Variants in NME1 observed in about 807,000 individuals in gnomAD.
NME1 encodes the protein nucleoside diphosphate kinase A.
NME1 carries 9 observed loss-of-function variants against 17.2 expected under a neutral mutation model. The ratio of observed to expected loss-of-function variants is 0.52; its 90% CI spans 0.32 to 0.92. The LOEUF (loss-of-function observed/expected upper bound fraction) is 0.92. Among genes scored for constraint, NME1 ranks in the 40% least tolerant of loss-of-function variants. The pLI, the probability that NME1 is intolerant of heterozygous loss-of-function variation, is 0.04. For synonymous variants in NME1, 72 were observed against 70.8 expected (o/e 1.02, Z -0.09); for missense variants, 169 against 201.7 (o/e 0.84, Z 0.98).
chr17:51,157,095 T>C (rs2049798900), intron 2 of NME1, among the ~76,000 whole-genome samples: 1 of 152,050 alleles, frequency 6.6e-6, no homozygotes, highest in Non-Finnish European at 1.5e-5. Context: ...TAGTGCATTT[T>C]AAAATTTAGT....
Position 51,161,599 on chromosome 17 carries a change from TTTTC to T in NME1, c.342-125_342-122del. Reference sequence around the variant, plus strand: ...CTTAAGTGAATGGCCATTGTAGGCTTTTTCTTTTAACATGGTCTAATGTCCATGG... The same window carrying T: ...CTTAAGTGAATGGCCATTGTAGGCTTTTTTAACATGGTCTAATGTCCATGG... On this transcript the variant is annotated intron_variant, in intron 4 of 4. Transcript: ENST00000393196. The T allele has an allele frequency of 3.6e-6, 3 of 838,836 alleles. No homozygotes were observed. In the Admixed American group the frequency reaches 5.5e-5, roughly 15 times the overall value. 52.0% of individuals were successfully genotyped at this position (838,836 alleles called of 1,614,324 possible). A position where few individuals can be genotyped will look rare whatever the true frequency, so the allele number is the denominator to read the frequency against.
Position 51,161,676 on chromosome 17 carries a change from G to A in NME1, c.342-52G>A, listed in dbSNP as rs199612803. 246 of 1,307,234 alleles carry A rather than the reference G, an allele frequency of 1.9e-4. No homozygotes were observed. In the African/African-American group the frequency reaches 3.1e-3, roughly 16 times the overall value. 81.0% of individuals were successfully genotyped at this position (1,307,234 alleles called of 1,614,324 possible). On this transcript the variant is annotated intron_variant, in intron 4 of 4. Coordinates refer to ENST00000393196, the MANE Select transcript of NME1 (RefSeq NM_000269.3). ...TGGCTGTAGATTTCTGGCAATGGGC[G>A]CATTTTAATCCTTCTGGTCTTGGTC...
chr17:51,159,112 G>T (rs914414275), intron 2 of NME1, among the ~76,000 whole-genome samples: 3 of 152,138 alleles, frequency 2.0e-5, no homozygotes, highest in African/African-American at 4.8e-5. Flanking sequence ...TTTGGGGTTT[G>T]CTCTGGGAAT....
chr17:51,153,957 T>C, intron 1 of NME1: 1 of 209,550 alleles, frequency 4.8e-6, no homozygotes, highest in Non-Finnish European at 1.0e-5. Context: ...GCTCTGTAAG[T>C]GCTTGCTGAA....
Position 51,162,075 on chromosome 17 carries a change from C to CT in NME1, c.*238dup, listed in dbSNP as rs201883691. 1.8e-3 allele frequency: 865 copies of CT among 491,814 alleles called. 3 individuals are homozygous for CT. The highest frequency in any genetic ancestry group is 0.015 in the African/African-American group (752 of 51,560). 30.5% of individuals were successfully genotyped at this position (491,814 alleles called of 1,614,324 possible). On this transcript the variant is annotated 3_prime_UTR_variant, in exon 5 of 5. Coordinates refer to ENST00000393196, the MANE Select transcript of NME1 (RefSeq NM_000269.3). Reference sequence around the variant, plus strand: ...TTGGTTACTTCATATTGTTGCATTGCTTTTTTTTCCTTCTTTTCATGTACA... The same window carrying CT: ...TTGGTTACTTCATATTGTTGCATTGCTTTTTTTTTCCTTCTTTTCATGTACA...
Position 51,162,027 on chromosome 17 carries a change from C to T in NME1, c.*182C>T. The T allele has an allele frequency of 2.4e-5, 14 of 586,708 alleles. 1 individual carries two copies. In the South Asian group the frequency reaches 2.8e-4, roughly 12 times the overall value. 36.3% of individuals were successfully genotyped at this position (586,708 alleles called of 1,614,324 possible). Reference sequence around the variant, plus strand: ...CCCGACCATCTGATTAAAATGCTTCCTCCCAGCATAGGATTCATTGAGTTG... The same window carrying T: ...CCCGACCATCTGATTAAAATGCTTCTTCCCAGCATAGGATTCATTGAGTTG... On this transcript the variant is annotated 3_prime_UTR_variant, in exon 5 of 5. Coordinates refer to ENST00000393196, the MANE Select transcript of NME1 (RefSeq NM_000269.3).
chr17:51,157,185 G>T lies in NME1; in HGVS notation c.126+1405G>T, dbSNP rs978212873. Among the ~76,000 whole-genome samples, 11 of 151,750 alleles carry T rather than the reference G, an allele frequency of 7.2e-5. No individual in the cohort carries two copies. In the East Asian group the frequency reaches 2.1e-3, roughly 29 times the overall value. On this transcript the variant is annotated intron_variant, in intron 2 of 4. Transcript: ENST00000393196. Reference sequence around the variant, plus strand: ...GCACAGTGACTCGCCTGTCATCCCAGCACTTTGGGAGGCTCCGTCTCCAAA... The same window carrying T: ...GCACAGTGACTCGCCTGTCATCCCATCACTTTGGGAGGCTCCGTCTCCAAA...
intron 1 of NME1, among the ~76,000 whole-genome samples, chr17:51,155,212 A>G (rs1484291957): frequency 1.4e-5 from 2 of 147,628 alleles, no homozygotes; most frequent in Admixed American, 1.4e-4. Flanking sequence ...ACTGCACTCC[A>G]TCCTGGGCGA....
At chr17:51,154,825 C>T (rs1170982356) in intron 1 of NME1, among the ~76,000 whole-genome samples, 1 of 152,184 alleles carries the variant, frequency 6.6e-6, no homozygotes, top group Non-Finnish European at 1.5e-5. Context: ...TAAAACTTTT[C>T]ATCAGTGTAG....
In NME1 at chr17:51,161,925, GTTATTTA is replaced by G; in HGVS notation, c.*81_*87del. ...AGAGGACCAGGCTGTAGGAAATCTA[GTTATTTA>G]CAGGAACTTCATCATAATTTGGAGG... is the stretch of plus-strand genomic sequence containing the variant. On this transcript the variant is annotated 3_prime_UTR_variant, in exon 5 of 5. Transcript: ENST00000393196. The G allele has an allele frequency of 1.1e-6, 1 of 916,386 alleles. No individual in the cohort carries two copies. Among genetic ancestry groups the G allele is most frequent in the Non-Finnish European group, 1.8e-6 (1 of 552,338 alleles). The allele number at this position is 916,386 out of a possible 1,614,324, so 56.8% of individuals were successfully genotyped here.
rs934066789 is a variant in NME1 at position 51,155,528 on chromosome 17, G to A, written c.-4-123G>A. On this transcript the variant is annotated intron_variant, in intron 1 of 4. Coordinates refer to ENST00000393196, the MANE Select transcript of NME1 (RefSeq NM_000269.3). ...CTGGGGAGGAATTGGGTTTTTACCAGAGGGAGACCTGGAGCTGACCTGACA... is the reference window on the plus strand; with the variant it reads ...CTGGGGAGGAATTGGGTTTTTACCAAAGGGAGACCTGGAGCTGACCTGACA... The A allele has an allele frequency of 2.7e-6, 4 of 1,457,544 alleles. No individual in the cohort carries two copies. In the African/African-American group the frequency reaches 4.2e-5, roughly 15 times the overall value. 90.3% of individuals were successfully genotyped at this position (1,457,544 alleles called of 1,614,324 possible).
At chr17:51,158,204 C>T (rs917042331) in intron 2 of NME1, among the ~76,000 whole-genome samples, 2 of 152,150 alleles carry the variant, frequency 1.3e-5, no homozygotes, top group African/African-American at 4.8e-5. Flanking sequence ...GGCTTGAACT[C>T]GGGAGGTGGA....
chr17:51,158,354 T>G (rs2049818184), intron 2 of NME1, among the ~76,000 whole-genome samples: 1 of 151,740 alleles, frequency 6.6e-6, no homozygotes, highest in Admixed American at 6.6e-5. Flanking sequence ...GCAAGAGGAT[T>G]GCTTGAGCCT....
intron 2 of NME1, among the ~76,000 whole-genome samples, chr17:51,158,732 A>G (rs1222837227): frequency 1.3e-5 from 2 of 152,232 alleles, no homozygotes; most frequent in Non-Finnish European, 2.9e-5. Flanking sequence ...CATACAGTGC[A>G]GTACCACAGA....
intron 2 of NME1, among the ~76,000 whole-genome samples, chr17:51,156,894 A>G (rs900262826): frequency 6.8e-5 from 10 of 146,984 alleles, no homozygotes; most frequent in Non-Finnish European, 1.4e-4. Context: ...TCCATCTCCA[A>G]AAAAAAAAAA....
At chr17:51,154,444 G>T (rs757370563) in intron 1 of NME1, 113 of 1,613,740 alleles carry the variant, frequency 7.0e-5, no homozygotes, top group Non-Finnish European at 9.3e-5. Context: ...TGTGATACAG[G>T]GTAGGTCATG....
At chr17:51,161,623 C>A in intron 4 of NME1, 105 bp from the exon 5 acceptor site, 1 of 902,584 alleles carries the variant, frequency 1.1e-6, no homozygotes, top group Non-Finnish European at 1.9e-6. Flanking sequence ...GGTCTAATGT[C>A]CATGGAGCTT....
rs141319908 is a variant in NME1 at position 51,154,318 on chromosome 17, G to C, written c.-5+656G>C. On this transcript the variant is annotated intron_variant, in intron 1 of 4. Transcript: ENST00000393196. The stretch of plus-strand genomic sequence containing the variant: ...CACACAAACAGAAAATTGGACTACA[G>C]TGCTAAGATGCTGTAAGAAGAGGTT... 249 of 1,535,852 alleles carry C rather than the reference G, an allele frequency of 1.6e-4. 2 individuals carry two copies. The highest frequency in any genetic ancestry group is 5.1e-4 in the Middle Eastern group (3 of 5,886).
At chr17:51,156,006 G>A in intron 2 of NME1, 1 of 481,724 alleles carries the variant, frequency 2.1e-6, no homozygotes, top group Non-Finnish European at 3.7e-6. Flanking sequence ...GAGGTGCATT[G>A]CTACGGGAAA....
Sources: gnomAD v4.1 joint callset for allele counts (sites outside exome capture counted in the v4.1 genomes callset) on GRCh38, gnomAD v4.1.1 for gene constraint, MANE v1.5 for transcripts, NCBI Gene and HGNC (gene_info 2026-07-23, HGNC 2026-07-21) for gene names.